ANGPT1: variants seen among roughly 807,000 people sequenced by gnomAD.
The protein encoded by ANGPT1 is angiopoietin 1.
In ANGPT1, 17 loss-of-function variants were observed where a neutral mutation model predicts 62.2. The ratio of observed to expected loss-of-function variants is 0.27; its 90% CI spans 0.19 to 0.41. ANGPT1 has a LOEUF of 0.41. ANGPT1 is among the 10% of genes least tolerant of loss of function. ANGPT1 has a pLI of 1.00. For synonymous variants in ANGPT1, 199 were observed against 198.9 expected (o/e 1.00, Z 0.00); for missense variants, 478 against 594.9 (o/e 0.80, Z 2.04).
At chr8:107,452,728 G>T (rs1261989524) in intron 1 of ANGPT1, among the ~76,000 whole-genome samples, 1 of 151,852 alleles carries the variant, frequency 6.6e-6, no homozygotes, top group Non-Finnish European at 1.5e-5. Context: ...TGCACAAACT[G>T]CCCAAACTCC....
rs936787269 is a variant in ANGPT1 at position 107,284,547 on chromosome 8, T to C, written c.1205+135A>G. On this transcript the variant is annotated intron_variant, in intron 7 of 8. Coordinates refer to ENST00000517746, the MANE Select transcript of ANGPT1 (RefSeq NM_001146.5). ...TTACAGGCTTTTTTGTACCTCTTTG[T>C]AATAGGTCTAGACAAAAAAAAAAGA... 1.9e-5 allele frequency: 14 copies of C among 755,194 alleles called. No homozygotes were observed. The African/African-American group carries it at 2.5e-4, about 14-fold the overall frequency. The allele number at this position is 755,194 out of a possible 1,614,324, so 46.8% of individuals were successfully genotyped here.
chr8:107,258,000 T>G (rs1172335680), intron 8 of ANGPT1, among the ~76,000 whole-genome samples: 1 of 151,460 alleles, frequency 6.6e-6, no homozygotes, highest in East Asian at 1.9e-4. Context: ...TTTCTCTTCT[T>G]TTTGTTCTAA....
intron 8 of ANGPT1, among the ~76,000 whole-genome samples, chr8:107,257,482 C>T (rs919322704): frequency 1.3e-5 from 2 of 152,158 alleles, no homozygotes; most frequent in African/African-American, 4.8e-5. Context: ...TTAAATTCTT[C>T]TGATTCTAAA....
intron 5 of ANGPT1, among the ~76,000 whole-genome samples, chr8:107,302,918 C>G (rs1255606895): frequency 6.6e-6 from 1 of 151,878 alleles, no homozygotes; most frequent in Non-Finnish European, 1.5e-5. Flanking sequence ...AAGATGGCTT[C>G]TCTTTCCCAT....
At chr8:107,260,491 A>G (rs1813466720) in intron 8 of ANGPT1, among the ~76,000 whole-genome samples, 1 of 152,112 alleles carries the variant, frequency 6.6e-6, no homozygotes, top group Non-Finnish European at 1.5e-5. Flanking sequence ...AAAAAAAGGA[A>G]AGGAAAAATC....
chr8:107,293,341 C>T (rs979995780), intron 6 of ANGPT1, among the ~76,000 whole-genome samples: 1 of 152,078 alleles, frequency 6.6e-6, no homozygotes, highest in Non-Finnish European at 1.5e-5. Context: ...CCAACCATAA[C>T]CAACAGAATG....
At chr8:107,314,040 T>C (rs1814950375) in intron 4 of ANGPT1, among the ~76,000 whole-genome samples, 1 of 152,246 alleles carries the variant, frequency 6.6e-6, no homozygotes. Flanking sequence ...CCGTGACTAA[T>C]GTCTACTGTT....
At chr8:107,425,940 G>A (rs115663085) in intron 1 of ANGPT1, among the ~76,000 whole-genome samples, 163 of 152,312 alleles carry the variant, frequency 1.1e-3, no homozygotes, top group African/African-American at 3.8e-3. Flanking sequence ...TCCAGGTTTT[G>A]TGGGGCCCCA....
At chr8:107,290,713 A>G (rs978133998) in intron 6 of ANGPT1, among the ~76,000 whole-genome samples, 6 of 152,216 alleles carry the variant, frequency 3.9e-5, no homozygotes, top group Non-Finnish European at 8.8e-5. Context: ...TGCAAAATTG[A>G]CATTCATCTG....
chr8:107,290,951 A>G (rs1814258528), intron 6 of ANGPT1, among the ~76,000 whole-genome samples: 1 of 152,346 alleles, frequency 6.6e-6, no homozygotes, highest in East Asian at 1.9e-4. Flanking sequence ...TTGCCAAGGC[A>G]GCAGATGTTT....
rs532913837 is a variant in ANGPT1 at position 107,306,973 on chromosome 8, G to A, written c.809-3606C>T. Among the ~76,000 whole-genome samples the A allele has an allele frequency of 4.6e-5, 7 of 152,144 alleles. No homozygotes were observed. In the South Asian group the frequency reaches 6.2e-4, roughly 14 times the overall value. On this transcript the variant is annotated intron_variant, in intron 4 of 8. Transcript: ENST00000517746. Reference sequence around the variant, plus strand: ...GAACAGATGTCAGGGGGAACCTTCCGGAGACCTGAAAGAGGGCTGTATCTA... The same window carrying A: ...GAACAGATGTCAGGGGGAACCTTCCAGAGACCTGAAAGAGGGCTGTATCTA...
chr8:107,335,574 T>C (rs1439891913), intron 3 of ANGPT1, among the ~76,000 whole-genome samples: 1 of 152,202 alleles, frequency 6.6e-6, no homozygotes, highest in Admixed American at 6.5e-5. Context: ...TGTGATGACA[T>C]CTATAAAGCT....
chr8:107,299,967 T>G (rs1814538082), intron 5 of ANGPT1, among the ~76,000 whole-genome samples: 1 of 135,326 alleles, frequency 7.4e-6, no homozygotes, highest in East Asian at 2.1e-4. Context: ...ATATACTATA[T>G]ACTAGTTATA....
At chr8:107,473,731 T>C (rs972898892) in intron 1 of ANGPT1, among the ~76,000 whole-genome samples, 1 of 152,024 alleles carries the variant, frequency 6.6e-6, no homozygotes. Flanking sequence ...CCCGATAGTA[T>C]TGTACTGTAC....
chr8:107,284,831 G>T lies in ANGPT1; in HGVS notation c.1056C>A (p.Ser352=). The T allele has an allele frequency of 6.3e-7, 1 of 1,596,804 alleles. No homozygotes were observed. The highest frequency in any genetic ancestry group is 1.1e-5 in the South Asian group (1 of 87,792). The change falls in exon 7 of 9, where the codon TCC becomes TCA. Residue 352 remains serine (S), a synonymous_variant. Transcript: ENST00000517746. ...ACTCATTCCCCAGCCAATATTCACC[G>T]GAGGGATTTCCAAAACCCTGGGAAA... is the stretch of plus-strand genomic sequence containing the variant. ...KEYKMGFGNP[S]GEYWLGNEFI...
intron 8 of ANGPT1, among the ~76,000 whole-genome samples, chr8:107,257,510 CTTCTT>C: frequency 6.6e-6 from 1 of 152,314 alleles, no homozygotes; most frequent in African/African-American, 2.4e-5. Context: ...CCTCTCAACA[CTTCTT>C]TTCTGTGGTA....
intron 1 of ANGPT1, among the ~76,000 whole-genome samples, chr8:107,414,993 A>G (rs1404245829): frequency 1.3e-5 from 2 of 152,186 alleles, no homozygotes; most frequent in Non-Finnish European, 2.9e-5. Context: ...ATGCAGGCCT[A>G]AAATACACTT....
chr8:107,323,494 C>T (rs73701085), intron 3 of ANGPT1, among the ~76,000 whole-genome samples: 56 of 152,276 alleles, frequency 3.7e-4, no homozygotes, highest in African/African-American at 1.3e-3. Flanking sequence ...AATCTTCCAA[C>T]ACCAGGTACT....
chr8:107,398,907 C>A (rs1298617442), intron 1 of ANGPT1, among the ~76,000 whole-genome samples: 1 of 152,062 alleles, frequency 6.6e-6, no homozygotes, highest in Non-Finnish European at 1.5e-5. Flanking sequence ...GAGAAAGATT[C>A]TTTTGGAGCT....
Sources: allele counts gnomAD v4.1 joint callset (sites outside exome capture counted in the v4.1 genomes callset), GRCh38; gene constraint gnomAD v4.1.1; transcripts MANE v1.5; gene names NCBI Gene and HGNC (gene_info 2026-07-23, HGNC 2026-07-21).